The following SEMA3E variants were observed in gnomAD, a reference collection of about 807,000 sequenced individuals.
SEMA3E encodes semaphorin 3E, also known as semaphorin-3E.
Under a neutral mutation model 93.6 loss-of-function variants are expected in SEMA3E, and 49 were observed. That is an observed-to-expected ratio of 0.52 (90% confidence interval 0.42 to 0.66). The LOEUF is 0.66. Among genes scored for constraint, SEMA3E ranks in the 30% least tolerant of loss-of-function variants. The pLI, the probability that SEMA3E is intolerant of heterozygous loss-of-function variation, is 0.00. For synonymous variants in SEMA3E, 363 were observed against 330.7 expected, an observed-to-expected ratio of 1.10 and a Z score of -1.06; for missense variants, 906 against 964.8, an observed-to-expected ratio of 0.94 and a Z score of 0.81.
At chr7:83,417,305 A>C (rs529485867) in intron 5 of SEMA3E, among the ~76,000 whole-genome samples, 1 of 152,190 alleles carries the variant, frequency 6.6e-6, no homozygotes, top group South Asian at 2.1e-4. Flanking sequence ...AATAGAATGC[A>C]AGACCCATCA....
rs549425809 is a variant in SEMA3E, at chr7:83,601,678, A to G, written c.115+46750T>C. 3.3e-5 allele frequency among the ~76,000 whole-genome samples: 5 copies of G among 152,236 alleles called. No individual in the cohort carries two copies. The South Asian group carries it at 6.2e-4, about 19-fold the overall frequency. On this transcript the variant is annotated intron_variant, in intron 1 of 16. Coordinates refer to ENST00000643230, the MANE Select transcript of SEMA3E (RefSeq NM_012431.3). ...GTAAAGTGACTACCTTTCTCTCGTC[A>G]TGTGTACAAAGAAATAGAGAAAATC...
intron 1 of SEMA3E, among the ~76,000 whole-genome samples, chr7:83,544,745 T>C (rs939855861): frequency 3.9e-5 from 6 of 152,128 alleles, no homozygotes; most frequent in Non-Finnish European, 5.9e-5. Flanking sequence ...AGCCTTGAAG[T>C]TGGCATTCTT....
chr7:83,400,667 A>C (rs1051159405), intron 10 of SEMA3E, among the ~76,000 whole-genome samples: 4 of 152,158 alleles, frequency 2.6e-5, no homozygotes, highest in African/African-American at 9.6e-5. Flanking sequence ...AAATTATTTC[A>C]AACATGCAGC....
At chr7:83,427,580 A>G (rs956263886) in intron 4 of SEMA3E, among the ~76,000 whole-genome samples, 4 of 152,224 alleles carry the variant, frequency 2.6e-5, no homozygotes, top group Non-Finnish European at 5.9e-5. Flanking sequence ...TTTGCTTTGC[A>G]TAGATCAAGC....
At chr7:83,530,254 T>C (rs928082093) in intron 1 of SEMA3E, among the ~76,000 whole-genome samples, 5 of 152,142 alleles carry the variant, frequency 3.3e-5, no homozygotes, top group African/African-American at 1.2e-4. Context: ...CTCCATTTTA[T>C]AGATTAGAAA....
intron 1 of SEMA3E, among the ~76,000 whole-genome samples, chr7:83,601,049 G>A (rs1460922749): frequency 1.3e-5 from 2 of 152,308 alleles, no homozygotes; most frequent in East Asian, 3.9e-4. Context: ...AGGAGAATGC[G>A]AGGGAGGGAA....
chr7:83,558,588 G>A (rs1214236921), intron 1 of SEMA3E, among the ~76,000 whole-genome samples: 2 of 152,026 alleles, frequency 1.3e-5, no homozygotes, highest in Non-Finnish European at 2.9e-5. Flanking sequence ...ATTAATATCA[G>A]TAAAGATGTA....
chr7:83,593,284 C>CTCTGTGTGTGTG (rs1324576607), intron 1 of SEMA3E, among the ~76,000 whole-genome samples: 1 of 116,698 alleles, frequency 8.6e-6, no homozygotes, highest in South Asian at 2.9e-4. Flanking sequence ...CTCTCTCTCT[C>CTCTGTGTGTGTG]TGTGTGTGTG....
In SEMA3E at chr7:83,647,709, T is replaced by C. The variant is rs929202608; in HGVS notation, c.115+719A>G. Among the ~76,000 whole-genome samples, 3 of 152,190 alleles carry C rather than the reference T, an allele frequency of 2.0e-5. No individual in the cohort carries two copies. In the East Asian group the frequency reaches 5.8e-4, roughly 29 times the overall value. ...TAGAATGAAATATTTAAACATTTGC[T>C]GTTAGATCTTCATTAAGGCAATATA... On this transcript the variant is annotated intron_variant, in intron 1 of 16. Coordinates refer to ENST00000643230, the MANE Select transcript of SEMA3E (RefSeq NM_012431.3).
At chr7:83,486,259 T>A (rs948039959) in intron 2 of SEMA3E, among the ~76,000 whole-genome samples, 7 of 152,104 alleles carry the variant, frequency 4.6e-5, no homozygotes, top group African/African-American at 1.7e-4. Context: ...TTATCATGAC[T>A]GTGGAGAGGG....
chr7:83,422,332 T>C (rs1221265456), intron 4 of SEMA3E, among the ~76,000 whole-genome samples: 1 of 152,154 alleles, frequency 6.6e-6, no homozygotes, highest in Non-Finnish European at 1.5e-5. Flanking sequence ...TGAATGGCAG[T>C]AGAGAGATGT....
chr7:83,558,730 C>T (rs215266), intron 1 of SEMA3E, among the ~76,000 whole-genome samples: 11 of 152,028 alleles, frequency 7.2e-5, no homozygotes, highest in African/African-American at 2.7e-4. Flanking sequence ...AATAAAACTA[C>T]TTTAACAACC....
At chr7:83,558,838 T>A (rs568268049) in intron 1 of SEMA3E, among the ~76,000 whole-genome samples, 1 of 152,174 alleles carries the variant, frequency 6.6e-6, no homozygotes, top group South Asian at 2.1e-4. Flanking sequence ...CAAATACAAA[T>A]ATTTTAGTGA....
At chr7:83,491,397 T>C (rs933601534) in intron 1 of SEMA3E, among the ~76,000 whole-genome samples, 1 of 151,994 alleles carries the variant, frequency 6.6e-6, no homozygotes, top group Non-Finnish European at 1.5e-5. Context: ...TTCCTCTGTA[T>C]TAATAATATA....
intron 1 of SEMA3E, chr7:83,641,328 T>A: frequency 1.0e-6 from 1 of 966,864 alleles, no homozygotes; most frequent in Non-Finnish European, 1.2e-6. Context: ...ACCAGATATC[T>A]TACCTGTTCA....
At chr7:83,457,430 T>G (rs1789509131) in intron 4 of SEMA3E, among the ~76,000 whole-genome samples, 1 of 152,204 alleles carries the variant, frequency 6.6e-6, no homozygotes, top group Non-Finnish European at 1.5e-5. Flanking sequence ...CTTCCATAGC[T>G]CTCTCTTGCT....
At chr7:83,588,341 A>G (rs1792675038) in intron 1 of SEMA3E, among the ~76,000 whole-genome samples, 2 of 152,116 alleles carry the variant, frequency 1.3e-5, no homozygotes, top group African/African-American at 4.8e-5. Context: ...AGACCGTGCC[A>G]CTGCACTCCA....
In SEMA3E at chr7:83,400,218, T is replaced by C. The variant is rs753004107; in HGVS notation, c.1176A>G (p.Gly392=). 1.2e-6 allele frequency: 2 copies of C among 1,613,976 alleles called. No individual in the cohort carries two copies. The highest frequency in any genetic ancestry group is 1.7e-6 in the Non-Finnish European group (2 of 1,179,928). ...CASKVNGGRY[G]TTKDYPDDAI... ...CATCATCAGGATAGTCCTTGGTGGT[T>C]CCGTATCTCCCTCCATTTACTTTGC... Residue 392 remains glycine, a synonymous_variant, in exon 11 of 17, where the codon GGA becomes GGG. Transcript: ENST00000643230.
At chr7:83,642,554 T>C (rs1453139230) in intron 1 of SEMA3E, among the ~76,000 whole-genome samples, 1 of 152,144 alleles carries the variant, frequency 6.6e-6, no homozygotes, top group Non-Finnish European at 1.5e-5. Context: ...GTCACTATCA[T>C]TCCTATCATG....
Sources: gnomAD v4.1 joint callset for allele counts (sites outside exome capture counted in the v4.1 genomes callset) on GRCh38, gnomAD v4.1.1 for gene constraint, MANE v1.5 for transcripts, NCBI Gene and HGNC (gene_info 2026-07-23, HGNC 2026-07-21) for gene names.